CCDC47: variants seen among roughly 807,000 people sequenced by gnomAD.
The protein encoded by CCDC47 is coiled-coil domain containing 47, also known as PAT complex subunit CCDC47.
A neutral mutation model predicts 60.5 loss-of-function variants in CCDC47; 41 were observed. The observed-to-expected ratio is 0.68, with a 90% confidence interval of 0.53 to 0.88. The LOEUF (loss-of-function observed/expected upper bound fraction) is 0.88, where lower values mean the gene tolerates loss of function less well. Among genes scored for constraint, CCDC47 ranks in the 40% least tolerant of loss-of-function variants. The pLI is 0.00. For synonymous variants in CCDC47, 195 were observed against 190.7 expected (o/e 1.02, Z -0.18); for missense variants, 513 against 580.9 (o/e 0.88, Z 1.20).
At chr17:63,770,153 G>C (rs957553038) in intron 1 of CCDC47, among the ~76,000 whole-genome samples, 5 of 151,734 alleles carry the variant, frequency 3.3e-5, no homozygotes, top group African/African-American at 1.2e-4. Flanking sequence ...AGTACAGATG[G>C]GGTTTCACCA....
Position 63,752,039 on chromosome 17 carries a change from T to C in CCDC47, c.1272A>G (p.Gln424=). ...GCCGAGACTGTGCTGCTTCCTGTCT[T>C]TGCACATGTGTCAGTTTCAAGAAGT... ...EENFLKLTHV[Q]RQEAAQSRRE... Residue 424 remains glutamine, a synonymous_variant, in exon 12 of 13, where the codon CAA becomes CAG. Coordinates refer to ENST00000225726, the MANE Select transcript of CCDC47 (RefSeq NM_020198.3). The C allele has an allele frequency of 1.2e-6, 2 of 1,613,904 alleles. No individual in the cohort carries two copies. Among genetic ancestry groups the C allele is most frequent in the South Asian group, 1.1e-5 (1 of 91,072 alleles).
At chr17:63,751,071 G>T (rs559707591) in intron 12 of CCDC47, among the ~76,000 whole-genome samples, 1 of 150,158 alleles carries the variant, frequency 6.7e-6, no homozygotes, top group Admixed American at 6.6e-5. Flanking sequence ...GTAGAGACAA[G>T]GTCTCATGAT....
chr17:63,763,213 G>A (rs574298985), intron 4 of CCDC47, among the ~76,000 whole-genome samples: 26 of 152,166 alleles, frequency 1.7e-4, no homozygotes, highest in African/African-American at 6.0e-4. Flanking sequence ...GTGAGCCACC[G>A]CACCGGGCCA....
At chr17:63,756,194 T>C (rs368746727) in intron 8 of CCDC47, 46 bp downstream of exon 8, 148 of 1,312,400 alleles carry the variant, frequency 1.1e-4, no homozygotes, top group Non-Finnish European at 1.5e-4. Context: ...GAGAGTGTCC[T>C]GTAAATGCCA....
intron 1 of CCDC47, among the ~76,000 whole-genome samples, chr17:63,771,015 AG>A (rs1568253140): frequency 3.0e-3 from 195 of 64,098 alleles, no homozygotes; most frequent in Non-Finnish European, 5.7e-3. Flanking sequence ...AAAGAAAGAA[AG>A]GAAGGAAGGA....
chr17:63,765,126 A>ACACACG (rs1324293009), intron 2 of CCDC47: 2 of 157,022 alleles, frequency 1.3e-5, no homozygotes, highest in African/African-American at 5.3e-5. Context: ...CTCACCACAC[A>ACACACG]CACACACACA....
At chr17:63,752,889 A>G in intron 9 of CCDC47, 90 bp from the exon 10 acceptor site, 7 of 1,521,184 alleles carry the variant, frequency 4.6e-6, no homozygotes, top group Non-Finnish European at 4.4e-6. Flanking sequence ...ATGAACAGAT[A>G]CCTGCACATA....
chr17:63,761,711 G>GA, intron 4 of CCDC47: 1 of 449,998 alleles, frequency 2.2e-6, no homozygotes, highest in East Asian at 1.5e-4. Context: ...AAAAAAAAAG[G>GA]AAACAAGGCC....
chr17:63,764,022 A>C lies in CCDC47; in HGVS notation c.541T>G (p.Leu181Val). 6.3e-7 allele frequency: 1 copy of C among 1,588,914 alleles called. No homozygotes were observed. Among genetic ancestry groups the C allele is most frequent in the Non-Finnish European group, 8.5e-7 (1 of 1,172,044 alleles). ...TGACATTGGCCTCACTTACCCACTA[A>C]AGTAAAGTTGCTCTCCAAAAGCTCC... Reference protein sequence around the residue: ...HRELLESNFTLVGDDGTNKEA... With the variant: ...HRELLESNFTVVGDDGTNKEA... Residue 181 changes from leucine to valine, a missense_variant, in exon 4 of 13, where the codon TTA becomes GTA. Transcript: ENST00000225726.
At position 63,773,405 on chromosome 17, in the gene CCDC47, T is replaced by A. The variant is rs2039367482; in HGVS notation, c.-20+7A>T. On this transcript the variant is annotated splice_region_variant and intron_variant, in intron 1 of 12. Transcript: ENST00000225726. ...CGCCGACGAGCGCGTCCTGGCCCGC[T>A]CCTTACCTGTGGCCGAAGCCGAAAC... The A allele has an allele frequency of 6.6e-6, 1 of 152,178 alleles. No individual in the cohort carries two copies. The highest frequency in any genetic ancestry group is 2.4e-5 in the African/African-American group (1 of 41,354). The allele number at this position is 152,178 out of a possible 1,614,324, so 9.4% of individuals were successfully genotyped here. A position where few individuals can be genotyped will look rare whatever the true frequency, so the allele number is the denominator to read the frequency against.
intron 1 of CCDC47, among the ~76,000 whole-genome samples, chr17:63,772,167 G>C (rs1169300296): frequency 6.6e-6 from 1 of 150,690 alleles, no homozygotes; most frequent in Non-Finnish European, 1.5e-5. Context: ...AAAATTCCCT[G>C]TTCTCCACAT....
chr17:63,755,359 C>T, intron 8 of CCDC47: 4 of 954,816 alleles, frequency 4.2e-6, no homozygotes, highest in Non-Finnish European at 5.0e-6. Flanking sequence ...GTGGCTCATG[C>T]CTGTAATCCA....
intron 6 of CCDC47, among the ~76,000 whole-genome samples, chr17:63,757,861 C>G (rs1431496120): frequency 6.6e-6 from 1 of 152,168 alleles, no homozygotes; most frequent in Non-Finnish European, 1.5e-5. Context: ...AATGGGGTGA[C>G]TTAACATAGA....
rs555055861 is a variant in CCDC47 at position 63,759,709 on chromosome 17, A to G, written c.735+1205T>C. Reference sequence around the variant, plus strand: ...TATCTCTTGTTCTATTATAGAAAAGAAAAAAACTGTCTTCTATATTTTTGT... The same window carrying G: ...TATCTCTTGTTCTATTATAGAAAAGGAAAAAACTGTCTTCTATATTTTTGT... On this transcript the variant is annotated intron_variant, in intron 6 of 12. Transcript: ENST00000225726. Among the ~76,000 whole-genome samples the G allele has an allele frequency of 8.6e-5, 13 of 150,780 alleles. No homozygotes were observed. In the South Asian group the frequency reaches 2.7e-3, roughly 31 times the overall value.
chr17:63,762,334 CTATGG>C, intron 4 of CCDC47: 3 of 736,736 alleles, frequency 4.1e-6, no homozygotes, highest in Non-Finnish European at 5.0e-6. Context: ...CTCTGAAATA[CTATGG>C]TATAGTGGAG....
intron 1 of CCDC47, among the ~76,000 whole-genome samples, chr17:63,771,436 A>G (rs2039341103): frequency 6.6e-6 from 1 of 152,156 alleles, no homozygotes; most frequent in South Asian, 2.1e-4. Context: ...AGGGAGAACT[A>G]AACATTCTTT....
At chr17:63,760,506 A>C (rs1230548080) in intron 6 of CCDC47, among the ~76,000 whole-genome samples, 1 of 152,242 alleles carries the variant, frequency 6.6e-6, no homozygotes. Context: ...CAGAAACTCC[A>C]AACACAATCC....
intron 4 of CCDC47, chr17:63,761,819 A>C: frequency 9.2e-6 from 9 of 980,156 alleles, no homozygotes; most frequent in Non-Finnish European, 1.1e-5. Context: ...AGGGACTGAA[A>C]TAGATTAGCA....
At chr17:63,757,774 CT>C (rs2039218723) in intron 6 of CCDC47, among the ~76,000 whole-genome samples, 1 of 152,120 alleles carries the variant, frequency 6.6e-6, no homozygotes, top group Admixed American at 6.5e-5. Flanking sequence ...TCCTAAAGCC[CT>C]TTGAATTTCC....
Sources: gnomAD v4.1 joint callset for allele counts (sites outside exome capture counted in the v4.1 genomes callset) on GRCh38, gnomAD v4.1.1 for gene constraint, MANE v1.5 for transcripts, NCBI Gene and HGNC (gene_info 2026-07-23, HGNC 2026-07-21) for gene names.